The following AASDH variants were observed in gnomAD, a reference collection of about 807,000 sequenced individuals.
AASDH encodes the protein aminoadipate-semialdehyde dehydrogenase, also known as beta-alanine-activating enzyme.
In AASDH, 81 loss-of-function variants were observed where a neutral mutation model predicts 102.3. The ratio of observed to expected loss-of-function variants is 0.79; its 90% CI spans 0.66 to 0.95. AASDH has a LOEUF of 0.95. Ranked by LOEUF, AASDH falls within the 40% of genes least tolerant of loss-of-function variation. The probability of loss-of-function intolerance (pLI) is 0.00; values close to 1 mark genes in which losing one functional copy is unlikely to be tolerated. For missense variants in AASDH, 1,203 were observed against 1,266.2 expected, an observed-to-expected ratio of 0.95 and a Z score of 0.76; for synonymous variants, 398 against 454.0, an observed-to-expected ratio of 0.88 and a Z score of 1.57.
chr4:56,346,308 T>C (rs1748323106), intron 11 of AASDH, among the ~76,000 whole-genome samples: 1 of 152,174 alleles, frequency 6.6e-6, no homozygotes, highest in Non-Finnish European at 1.5e-5. Context: ...CTGGCAGTTA[T>C]TATTTAGTAG....
intron 2 of AASDH, 91 bp downstream of exon 2, chr4:56,383,979 T>C (rs1753262280): frequency 9.0e-7 from 1 of 1,108,260 alleles, no homozygotes; most frequent in Non-Finnish European, 1.3e-6. Context: ...AAAAGTCCAA[T>C]AGTAAACAGA....
chr4:56,386,391 A>G (rs1204253076), intron 1 of AASDH, among the ~76,000 whole-genome samples: 1 of 152,180 alleles, frequency 6.6e-6, no homozygotes, highest in East Asian at 1.9e-4. Context: ...TTAAGGTAAA[A>G]TCCATTCTTC....
chr4:56,353,387 G>A lies in AASDH; in HGVS notation c.1576+17C>T, dbSNP rs1316400221. On this transcript the variant is annotated intron_variant, in intron 9 of 14. Coordinates refer to ENST00000205214, the MANE Select transcript of AASDH (RefSeq NM_181806.4). ...TATTATTTGGCACTGAAACATATCT[G>A]CTTTAAATTACTTTACCGTGGGATG... 1 of 1,572,004 alleles carries A rather than the reference G, an allele frequency of 6.4e-7. No individual in the cohort carries two copies. Among genetic ancestry groups the A allele is most frequent in the African/African-American group, 1.4e-5 (1 of 72,982 alleles).
At chr4:56,383,027 A>G (rs1020720240) in intron 2 of AASDH, among the ~76,000 whole-genome samples, 1 of 152,258 alleles carries the variant, frequency 6.6e-6, no homozygotes, top group African/African-American at 2.4e-5. Context: ...GTTGCACTCC[A>G]GCCTGGGCAA....
At chr4:56,351,143 C>T (rs982602708) in intron 10 of AASDH, among the ~76,000 whole-genome samples, 199 bp downstream of exon 10, 3 of 152,090 alleles carry the variant, frequency 2.0e-5, no homozygotes, top group African/African-American at 7.2e-5. Context: ...ATTTCTTTGT[C>T]GGAAACTTAA....
At chr4:56,353,997 C>A (rs761380837) in intron 8 of AASDH, 42 bp downstream of exon 8, 1 of 1,517,490 alleles carries the variant, frequency 6.6e-7, no homozygotes, top group African/African-American at 1.4e-5. Flanking sequence ...GCTTCTACTA[C>A]TTACATATAT....
intron 6 of AASDH, 84 bp from the exon 7 acceptor site, chr4:56,354,895 A>C: frequency 8.7e-7 from 1 of 1,153,490 alleles, no homozygotes; most frequent in Non-Finnish European, 1.2e-6. Flanking sequence ...TACTGTACCA[A>C]ATAAAGAAAA....
At chr4:56,368,376 C>A (rs1032141736) in intron 5 of AASDH, among the ~76,000 whole-genome samples, 1 of 152,144 alleles carries the variant, frequency 6.6e-6, no homozygotes, top group Admixed American at 6.5e-5. Context: ...TGGGTATATA[C>A]CCAAAGGATT....
chr4:56,355,018 G>T (rs1749432770), intron 6 of AASDH, among the ~76,000 whole-genome samples, 164 bp downstream of exon 6: 1 of 152,134 alleles, frequency 6.6e-6, no homozygotes, highest in Non-Finnish European at 1.5e-5. Flanking sequence ...GCAGTATCTT[G>T]GCACCAGCTA....
intron 14 of AASDH, among the ~76,000 whole-genome samples, chr4:56,342,236 A>G (rs1431065798): frequency 6.6e-6 from 1 of 152,182 alleles, no homozygotes; most frequent in Non-Finnish European, 1.5e-5. Context: ...GTAGCAGAGT[A>G]GGATGACTAC....
At chr4:56,343,717 G>A (rs764013714) in intron 12 of AASDH, 33 bp from the exon 13 acceptor site, 8 of 1,585,172 alleles carry the variant, frequency 5.0e-6, no homozygotes, top group East Asian at 4.5e-5. Flanking sequence ...ATTTGTTCTT[G>A]TTGATGGTTA....
At chr4:56,340,095 G>C (rs1294371360) in intron 14 of AASDH, among the ~76,000 whole-genome samples, 1 of 152,190 alleles carries the variant, frequency 6.6e-6, no homozygotes, top group African/African-American at 2.4e-5. Flanking sequence ...CTTGAACCCG[G>C]GAGGCAGAGG....
chr4:56,341,825 T>C (rs1037334241), intron 14 of AASDH, among the ~76,000 whole-genome samples: 1 of 151,822 alleles, frequency 6.6e-6, no homozygotes, highest in Non-Finnish European at 1.5e-5. Flanking sequence ...ATATTAGAAG[T>C]TGGGGGCCGG....
chr4:56,348,158 A>C (rs903614710), intron 11 of AASDH, among the ~76,000 whole-genome samples: 1 of 151,790 alleles, frequency 6.6e-6, no homozygotes, highest in African/African-American at 2.4e-5. Flanking sequence ...CTCAAAAAAA[A>C]GAAAAAAAAA....
chr4:56,377,112 C>A (rs931711151), intron 4 of AASDH, among the ~76,000 whole-genome samples: 22 of 141,946 alleles, frequency 1.5e-4, no homozygotes, highest in Non-Finnish European at 2.3e-4. Flanking sequence ...AAATTAACTT[C>A]ACTTGATTCT....
At chr4:56,360,966 A>C (rs1339344315) in intron 5 of AASDH, among the ~76,000 whole-genome samples, 1 of 152,222 alleles carries the variant, frequency 6.6e-6, no homozygotes, top group Non-Finnish European at 1.5e-5. Context: ...TATCATAATG[A>C]AAATCTCTTG....
At position 56,338,586 on chromosome 4, in the gene AASDH, A is replaced by T; in HGVS notation, c.3113T>A (p.Leu1038Gln). ...TTTCCCATCAGTAGATGCTGCTGCC[A>T]GCAACATTTCATTGCTGCCATTGTA... is the stretch of plus-strand genomic sequence containing the variant. ...HNYNGSNEML[L>Q]AAASTDGKVW... The change falls in exon 15 of 15, where the codon CTG becomes CAG. Residue 1038 changes from leucine (L) to glutamine (Q), a missense_variant. Leu to Gln is a moderately radical substitution (Grantham distance 113). Coordinates refer to ENST00000205214, the MANE Select transcript of AASDH (RefSeq NM_181806.4). 1 of 1,614,234 alleles carries T rather than the reference A, an allele frequency of 6.2e-7. No individual in the cohort carries two copies. The highest frequency in any genetic ancestry group is 1.3e-5 in the African/African-American group (1 of 75,076).
At chr4:56,363,884 CA>C (rs1426251825) in intron 5 of AASDH, among the ~76,000 whole-genome samples, 1 of 152,152 alleles carries the variant, frequency 6.6e-6, no homozygotes, top group Admixed American at 6.5e-5. Context: ...ATGACTTTGA[CA>C]AGTTGAGAGA....
Position 56,341,389 on chromosome 4 carries a change from C to CTTTTTTTTTTTTTTTTTTTTTT in AASDH, c.2907+1445_2907+1446insAAAAAAAAAAAAAAAAAAAAAA, listed in dbSNP as rs575687659. 3.2e-5 allele frequency among the ~76,000 whole-genome samples: 3 copies of CTTTTTTTTTTTTTTTTTTTTTT among 92,416 alleles called. 1 individual carries two copies. The highest frequency in any genetic ancestry group is 3.1e-4 in the Admixed American group (2 of 6,478). 60.6% of individuals were successfully genotyped at this position (92,416 alleles called of 152,430 possible). A position where few individuals can be genotyped will look rare whatever the true frequency, so the allele number is the denominator to read the frequency against. ...CATGGATGGAACTGGAGACTTTTAT[C>CTTTTTTTTTTTTTTTTTTTTTT]TTTTTTTTTTTTTTTTTTTTTGGAG... On this transcript the variant is annotated intron_variant, in intron 14 of 14. Coordinates refer to ENST00000205214, the MANE Select transcript of AASDH (RefSeq NM_181806.4).
Sources: gnomAD v4.1 joint callset for allele counts (sites outside exome capture counted in the v4.1 genomes callset) on GRCh38, gnomAD v4.1.1 for gene constraint, MANE v1.5 for transcripts, NCBI Gene and HGNC (gene_info 2026-07-23, HGNC 2026-07-21) for gene names.